Variants in MAN1C1 observed in about 807,000 individuals in gnomAD.
MAN1C1 encodes the protein mannosyl-oligosaccharide 1,2-alpha-mannosidase IC.
A neutral mutation model predicts 71.5 loss-of-function variants in MAN1C1; 49 were observed. That is an observed-to-expected ratio of 0.69 (90% CI 0.54 to 0.87). The LOEUF is 0.87. Ranked by LOEUF, MAN1C1 falls within the 40% of genes least tolerant of loss-of-function variation. MAN1C1 has a pLI of 0.00. For synonymous variants in MAN1C1, 352 were observed against 343.7 expected (o/e 1.02, Z -0.27); for missense variants, 743 against 835.0 (o/e 0.89, Z 1.36).
chr1:25,782,591 G>T lies in MAN1C1; in HGVS notation c.1657G>T (p.Glu553Ter). 1 of 1,613,450 alleles carries T rather than the reference G, an allele frequency of 6.2e-7. No homozygotes were observed. Among genetic ancestry groups the T allele is most frequent in the Non-Finnish European group, 8.5e-7 (1 of 1,179,444 alleles). ...TCCTCTTCCCCTTCCTCAGGCCTTG[G>T]AGAAATACTGTCGGACAGAAGCCGG... ...EWGWEVVLAL[E>*]KYCRTEAGFS... Residue 553 changes from glutamate to a stop codon, truncating the protein, a stop_gained, in exon 11 of 12, where the codon GAG (glutamate) becomes TAG (stop). Transcript: ENST00000374332. LOFTEE classifies it high-confidence loss of function. This position sits in a 1 kb window ranked among gnomAD's most constrained non-coding sequence, Gnocchi z 4.4.
In MAN1C1 at chr1:25,746,259, C is replaced by T. The variant is rs888830092; in HGVS notation, c.638-409C>T. Among the ~76,000 whole-genome samples the T allele has an allele frequency of 5.9e-5, 9 of 152,150 alleles. No individual in the cohort carries two copies. The highest frequency in any genetic ancestry group is 2.2e-4 in the African/African-American group (9 of 41,434). ...GGCAGAGGTTGGAGTGAGCCGAGATCGCACCATTGCACTCCAGACTGGGTG... is the reference window on the plus strand; with the variant it reads ...GGCAGAGGTTGGAGTGAGCCGAGATTGCACCATTGCACTCCAGACTGGGTG... On this transcript the variant is annotated intron_variant, in intron 2 of 11. Transcript: ENST00000374332. The surrounding 1 kb of genome is among the most constrained non-coding windows in gnomAD (Gnocchi z 4.0).
chr1:25,699,816 G>A (rs2046415224), intron 2 of MAN1C1, among the ~76,000 whole-genome samples: 1 of 152,210 alleles, frequency 6.6e-6, no homozygotes, highest in African/African-American at 2.4e-5. Context: ...CCCACAGCCA[G>A]TGGAGACTGA....
chr1:25,762,132 T>C (rs567704595), intron 6 of MAN1C1, among the ~76,000 whole-genome samples: 3 of 148,194 alleles, frequency 2.0e-5, no homozygotes, highest in African/African-American at 5.0e-5. Flanking sequence ...CTTTTCTTTT[T>C]TTTTTTTTTT....
chr1:25,741,671 G>A (rs2047065826), intron 2 of MAN1C1, among the ~76,000 whole-genome samples: 1 of 152,134 alleles, frequency 6.6e-6, no homozygotes, highest in Admixed American at 6.5e-5. Flanking sequence ...CTAGAATGTG[G>A]ACATTGGGGC....
At chr1:25,742,041 G>A (rs2047069630) in intron 2 of MAN1C1, among the ~76,000 whole-genome samples, 1 of 152,296 alleles carries the variant, frequency 6.6e-6, no homozygotes, top group South Asian at 2.1e-4. Flanking sequence ...AGGTAGTGGT[G>A]GGTGCCCAAG....
intron 1 of MAN1C1, among the ~76,000 whole-genome samples, chr1:25,624,191 G>T (rs1238385442): frequency 6.6e-6 from 1 of 152,212 alleles, no homozygotes; most frequent in African/African-American, 2.4e-5. Flanking sequence ...AAGGACTCAA[G>T]GAACTTAGGC....
rs1189659613 is a variant in MAN1C1 at position 25,769,919 on chromosome 1, G to T, written c.1142-1738G>T. Reference sequence around the variant, plus strand: ...TTAATCCCCGTGGCCACCCTATGGGGAGGGACCGGGAGCAGGCTTGTGAGA... The same window carrying T: ...TTAATCCCCGTGGCCACCCTATGGGTAGGGACCGGGAGCAGGCTTGTGAGA... On this transcript the variant is annotated intron_variant, in intron 7 of 11. Transcript: ENST00000374332. This position sits in a 1 kb window ranked among gnomAD's most constrained non-coding sequence, Gnocchi z 4.8. Among the ~76,000 whole-genome samples the T allele has an allele frequency of 6.6e-6, 1 of 152,208 alleles. No homozygotes were observed. The highest frequency in any genetic ancestry group is 1.5e-5 in the Non-Finnish European group (1 of 68,034).
chr1:25,632,627 G>A (rs1369112323), intron 1 of MAN1C1, among the ~76,000 whole-genome samples: 5 of 152,054 alleles, frequency 3.3e-5, no homozygotes, highest in Non-Finnish European at 5.9e-5. Context: ...TTTGATGTAG[G>A]CTTTTAGTGC....
In MAN1C1 at chr1:25,779,558, G is replaced by A. The variant is rs192650378; in HGVS notation, c.1477+1234G>A. ...AAATCTCAGGACTAATAAAAGGCTC[G>A]CTATTTGTCTGAGACAATCAGCCCA... On this transcript the variant is annotated intron_variant, in intron 9 of 11. Coordinates refer to ENST00000374332, the MANE Select transcript of MAN1C1 (RefSeq NM_020379.4). This position sits in a 1 kb window ranked among gnomAD's most constrained non-coding sequence, Gnocchi z 4.6. Among the ~76,000 whole-genome samples, 151 of 152,310 alleles carry A rather than the reference G, an allele frequency of 9.9e-4. 1 individual carries two copies. The highest frequency in any genetic ancestry group is 2.6e-3 in the African/African-American group (108 of 41,570).
At chr1:25,770,954 G>A (rs948540637) in intron 7 of MAN1C1, among the ~76,000 whole-genome samples, 8 of 152,136 alleles carry the variant, frequency 5.3e-5, no homozygotes, top group African/African-American at 2.4e-5. Flanking sequence ...TCTGTCTTGC[G>A]TCTGCGGTGA....
In MAN1C1 at chr1:25,646,578, A is replaced by C. The variant is rs986804538; in HGVS notation, c.540+28241A>C. Among the ~76,000 whole-genome samples the C allele has an allele frequency of 6.1e-4, 93 of 152,220 alleles. 2 individuals carry two copies. The highest frequency in any genetic ancestry group is 4.6e-4 in the Admixed American group (7 of 15,274). On this transcript the variant is annotated intron_variant, in intron 1 of 11. Transcript: ENST00000374332. ...ACTCTGTCTCCCCAAATGGAAAACC[A>C]TACCCATTAGGCAGTCACTCCAGAC...
rs1458171187 is a variant in MAN1C1 at position 25,764,256 on chromosome 1, C to G, written c.1141+289C>G. 6.6e-5 allele frequency among the ~76,000 whole-genome samples: 10 copies of G among 152,224 alleles called. No homozygotes were observed. In the East Asian group the frequency reaches 1.9e-3, roughly 29 times the overall value. ...CTGGCCCCATCAATGGCGCAGCCTT[C>G]CATCTCTTATGCTGCTGCGGGAGCC... On this transcript the variant is annotated intron_variant, in intron 7 of 11. Coordinates refer to ENST00000374332, the MANE Select transcript of MAN1C1 (RefSeq NM_020379.4). The surrounding 1 kb of genome is among the most constrained non-coding windows in gnomAD (Gnocchi z 4.4).
chr1:25,679,338 C>T (rs2046113163), intron 1 of MAN1C1, among the ~76,000 whole-genome samples: 1 of 152,022 alleles, frequency 6.6e-6, no homozygotes, highest in Admixed American at 6.6e-5. Flanking sequence ...ATTTGTTCAC[C>T]AGACTTCTTC....
chr1:25,708,396 G>A (rs2046555166), intron 2 of MAN1C1, among the ~76,000 whole-genome samples: 1 of 152,194 alleles, frequency 6.6e-6, no homozygotes, highest in South Asian at 2.1e-4. Context: ...AGGACAATGG[G>A]AGGTCACTTT....
intron 2 of MAN1C1, among the ~76,000 whole-genome samples, chr1:25,733,868 T>C (rs779606079): frequency 4.6e-5 from 7 of 150,678 alleles, no homozygotes; most frequent in East Asian, 2.0e-4. Flanking sequence ...GGTGTGATCT[T>C]GGCTTGCTGC....
intron 1 of MAN1C1, among the ~76,000 whole-genome samples, chr1:25,656,355 C>T (rs1231378198): frequency 6.6e-6 from 1 of 151,990 alleles, no homozygotes; most frequent in Non-Finnish European, 1.5e-5. Context: ...ACCTTGGCCT[C>T]CCAAACTGCT....
chr1:25,637,337 A>G (rs1428892200), intron 1 of MAN1C1, among the ~76,000 whole-genome samples: 1 of 152,074 alleles, frequency 6.6e-6, no homozygotes, highest in African/African-American at 2.4e-5. Flanking sequence ...CTAACTTAAG[A>G]TAGGGACTCT....
At chr1:25,771,398 G>T (rs1054027804) in intron 7 of MAN1C1, among the ~76,000 whole-genome samples, 1 of 152,258 alleles carries the variant, frequency 6.6e-6, no homozygotes, top group African/African-American at 2.4e-5. Context: ...GCTAAGGCGA[G>T]GTGATTTATA....
rs762132988 is a variant in MAN1C1 at position 25,627,867 on chromosome 1, T to TA, written c.540+9548dup. Among the ~76,000 whole-genome samples, 353 of 122,020 alleles carry TA rather than the reference T, an allele frequency of 2.9e-3. 2 individuals carry two copies. Among genetic ancestry groups the TA allele is most frequent in the Middle Eastern group, 8.2e-3 (2 of 244 alleles). 80.0% of individuals were successfully genotyped at this position (122,020 alleles called of 152,430 possible). A position where few individuals can be genotyped will look rare whatever the true frequency, so the allele number is the denominator to read the frequency against. On this transcript the variant is annotated intron_variant, in intron 1 of 11. Transcript: ENST00000374332. Reference sequence around the variant, plus strand: ...GGGCAACATGGCAAAACCCAATCTCTAAAAAAAAAAAAAAAAAATACAAAA... The same window carrying TA: ...GGGCAACATGGCAAAACCCAATCTCTAAAAAAAAAAAAAAAAAAATACAAAA...
Sources: gnomAD v4.1 joint callset for allele counts (sites outside exome capture counted in the v4.1 genomes callset) on GRCh38, gnomAD v4.1.1 for gene constraint, Gnocchi (gnomAD v3.1) non-coding constraint, MANE v1.5 for transcripts, NCBI Gene and HGNC (gene_info 2026-07-23, HGNC 2026-07-21) for gene names.